Variants in JAKMIP3 observed in about 807,000 individuals in gnomAD.
The protein encoded by JAKMIP3 is janus kinase and microtubule-interacting protein 3.
JAKMIP3 carries 58 observed loss-of-function variants against 118.5 expected under a neutral mutation model. That is an observed-to-expected ratio of 0.49 (90% confidence interval 0.40 to 0.61). JAKMIP3 has a LOEUF of 0.61. Among genes scored for constraint, JAKMIP3 ranks in the 20% least tolerant of loss-of-function variants. The pLI is 0.00. For synonymous variants in JAKMIP3, 486 were observed against 451.2 expected (o/e 1.08, Z -0.98); for missense variants, 950 against 1,109.0 (o/e 0.86, Z 2.04).
chr10:132,036,652 A>T (rs2037504951), upstream of JAKMIP3, among the ~76,000 whole-genome samples: 1 of 150,210 alleles, frequency 6.7e-6, no homozygotes, highest in Non-Finnish European at 1.5e-5. Context: ...GCCCGCGGTG[A>T]CGGTGACGCG....
chr10:132,111,086 C>A (rs542887341), intron 2 of JAKMIP3, among the ~76,000 whole-genome samples: 35 of 152,332 alleles, frequency 2.3e-4, no homozygotes, highest in African/African-American at 8.4e-4. Context: ...AGAAAATTCA[C>A]GGCTATCACA....
chr10:132,139,312 GT>G (rs1564948321), intron 9 of JAKMIP3, among the ~76,000 whole-genome samples: 1 of 121,416 alleles, frequency 8.2e-6, no homozygotes, highest in African/African-American at 4.2e-5. Flanking sequence ...GTGTGAGTGT[GT>G]ATGTGTATGT....
intron 10 of JAKMIP3, 63 bp from the exon 11 acceptor site, chr10:132,141,857 C>T (rs1260144592): frequency 5.8e-6 from 9 of 1,543,798 alleles, no homozygotes; most frequent in Middle Eastern, 1.7e-4. Flanking sequence ...GCCCCGCCAT[C>T]GGAGGAGGTG....
intron 23 of JAKMIP3, among the ~76,000 whole-genome samples, chr10:132,171,689 G>A (rs1647362705): frequency 7.7e-6 from 1 of 129,726 alleles, no homozygotes; most frequent in Admixed American, 8.6e-5. Flanking sequence ...GTCTTTCTCT[G>A]TCACCAGGCT....
At chr10:132,124,518 A>AC (rs1353467265) in intron 3 of JAKMIP3, among the ~76,000 whole-genome samples, 6 of 145,522 alleles carry the variant, frequency 4.1e-5, no homozygotes, top group Non-Finnish European at 1.5e-5. Context: ...CACCCATCCC[A>AC]CCCCGGCACA....
chr10:132,090,439 G>A (rs1164347854), intron 1 of JAKMIP3, among the ~76,000 whole-genome samples: 1 of 152,114 alleles, frequency 6.6e-6, no homozygotes, highest in African/African-American at 2.4e-5. Flanking sequence ...TTAGTCTTGG[G>A]AGGGTGTATG....
chr10:132,177,572 C>T (rs568349484), intron 23 of JAKMIP3, among the ~76,000 whole-genome samples: 2 of 141,250 alleles, frequency 1.4e-5, no homozygotes, highest in Admixed American at 7.1e-5. Flanking sequence ...CGCACCTGCT[C>T]CTGTGCCCTG....
chr10:132,170,338 A>ACATACGCACCTCCCCGC lies in JAKMIP3; in HGVS notation c.*1103+1312_*1103+1328dup, dbSNP rs1590028035. On this transcript the variant is annotated intron_variant, in intron 23 of 23. Transcript: ENST00000684848. ...CAGCACAACAACACACACGGCGTGG[A>ACATACGCACCTCCCCGC]CATACGCACCTCCCCGCCATACGAA... The ACATACGCACCTCCCCGC allele has an allele frequency of 2.0e-5, 3 of 152,380 alleles. No homozygotes were observed. The East Asian group carries it at 5.8e-4, about 29-fold the overall frequency. 9.4% of individuals were successfully genotyped at this position (152,380 alleles called of 1,614,324 possible). A position where few individuals can be genotyped will look rare whatever the true frequency, so the allele number is the denominator to read the frequency against.
chr10:132,072,159 G>A (rs562837411), intron 1 of JAKMIP3, among the ~76,000 whole-genome samples: 1 of 152,104 alleles, frequency 6.6e-6, no homozygotes, highest in East Asian at 2.0e-4. Flanking sequence ...GCCGGCCTCA[G>A]CCTCCCAAAA....
At chr10:132,101,289 T>C (rs1564897372) in intron 1 of JAKMIP3, among the ~76,000 whole-genome samples, 1 of 152,156 alleles carries the variant, frequency 6.6e-6, no homozygotes, top group Non-Finnish European at 1.5e-5. Context: ...AAGTCGAGGC[T>C]ACAGTGAGCT....
chr10:132,062,514 C>T (rs7912829), upstream of JAKMIP3, among the ~76,000 whole-genome samples: 1,916 of 119,804 alleles, frequency 0.016, 18 homozygotes, highest in Middle Eastern at 0.073. Flanking sequence ...ATTTCATATG[C>T]GGGGATACAG....
At chr10:132,041,470 C>A (rs555010558) in intron 1 of JAKMIP3, among the ~76,000 whole-genome samples, 1 of 152,246 alleles carries the variant, frequency 6.6e-6, no homozygotes, top group South Asian at 2.1e-4. Context: ...CTGCCCCGGA[C>A]GGGCACAGCG....
chr10:132,055,029 G>A (rs370726969), intron 1 of JAKMIP3, among the ~76,000 whole-genome samples: 2 of 152,274 alleles, frequency 1.3e-5, no homozygotes, highest in African/African-American at 2.4e-5. Flanking sequence ...AGGATCCTCC[G>A]GTGCACTTGG....
chr10:132,117,631 G>T lies in JAKMIP3; in HGVS notation c.633+57G>T. On this transcript the variant is annotated intron_variant, in intron 3 of 23. Coordinates refer to ENST00000684848, the MANE Select transcript of JAKMIP3 (RefSeq NM_001323087.2). This position sits in a 1 kb window ranked among gnomAD's most constrained non-coding sequence, Gnocchi z 8.6. ...AGGGTGCAGGGGCGGGCGTGGGCGA[G>T]GGTGCAGGGGCGGGCGTGGGCGAGG... 1 of 1,047,048 alleles carries T rather than the reference G, an allele frequency of 9.6e-7. No individual in the cohort carries two copies. Among genetic ancestry groups the T allele is most frequent in the East Asian group, 2.7e-5 (1 of 37,536 alleles). 64.9% of individuals were successfully genotyped at this position (1,047,048 alleles called of 1,614,324 possible). A position where few individuals can be genotyped will look rare whatever the true frequency, so the allele number is the denominator to read the frequency against.
chr10:132,093,108 C>A (rs139768040), intron 1 of JAKMIP3, among the ~76,000 whole-genome samples: 1 of 152,208 alleles, frequency 6.6e-6, no homozygotes, highest in Non-Finnish European at 1.5e-5. Flanking sequence ...GCAAATATTG[C>A]TGCCTGATCA....
intron 2 of JAKMIP3, among the ~76,000 whole-genome samples, chr10:132,109,589 G>A (rs763977657): frequency 6.6e-6 from 1 of 152,124 alleles, no homozygotes; most frequent in Non-Finnish European, 1.5e-5. Context: ...GCACCTGAGG[G>A]CCCTGAGGAT....
intron 21 of JAKMIP3, among the ~76,000 whole-genome samples, chr10:132,165,916 A>C (rs535640782): frequency 6.8e-4 from 103 of 152,334 alleles, no homozygotes; most frequent in African/African-American, 2.4e-3. Context: ...CCTTGCCGGG[A>C]GGGGACACAG....
In JAKMIP3 at chr10:132,153,945, C is replaced by G; in HGVS notation, c.2175C>G (p.Asp725Glu). ...ELFSKQKGYL[D>E]EELDYRKQAL... ...TCAGTAAGCAGAAGGGCTACCTGGA[C>G]GAGGAGCTGGACTACCGGAAACAGG... Residue 725 changes from aspartate to glutamate, a missense_variant, in exon 19 of 24, where the codon GAC becomes GAG. By Grantham distance (45) the Asp-to-Glu change is conservative. Coordinates refer to ENST00000684848, the MANE Select transcript of JAKMIP3 (RefSeq NM_001323087.2). 2 of 1,613,072 alleles carry G rather than the reference C, an allele frequency of 1.2e-6. No individual in the cohort carries two copies. The highest frequency in any genetic ancestry group is 1.7e-6 in the Non-Finnish European group (2 of 1,179,866).
intron 22 of JAKMIP3, 42 bp from the exon 23 acceptor site, chr10:132,167,911 G>A (rs1395536156): frequency 7.9e-6 from 10 of 1,269,874 alleles, no homozygotes; most frequent in East Asian, 1.1e-4. Context: ...CCAGCCAAGC[G>A]GAGCCTCGCT....
Sources: gnomAD v4.1 joint callset for allele counts (sites outside exome capture counted in the v4.1 genomes callset) on GRCh38, gnomAD v4.1.1 for gene constraint, Gnocchi (gnomAD v3.1) non-coding constraint, MANE v1.5 for transcripts, NCBI Gene and HGNC (gene_info 2026-07-23, HGNC 2026-07-21) for gene names.